ADCY3: variants seen among roughly 807,000 people sequenced by gnomAD.
ADCY3 encodes adenylate cyclase 3, also known as adenylate cyclase type 3.
ADCY3 carries 70 observed loss-of-function variants against 119.4 expected under a neutral mutation model. That is an observed-to-expected ratio of 0.59 (90% CI 0.48 to 0.72). The LOEUF (loss-of-function observed/expected upper bound fraction) is 0.72, where lower values mean the gene tolerates loss of function less well. ADCY3 is among the 30% of genes least tolerant of loss of function. ADCY3 has a pLI of 0.00. For missense variants in ADCY3, 1,238 were observed against 1,541.6 expected (o/e 0.80, Z 3.30); for synonymous variants, 672 against 621.4 (o/e 1.08, Z -1.21).
chr2:24,907,918 T>C (rs1315575817), intron 2 of ADCY3, among the ~76,000 whole-genome samples: 1 of 151,858 alleles, frequency 6.6e-6, no homozygotes, highest in African/African-American at 2.4e-5. Context: ...CACTTGAGCC[T>C]AGGAGGCAGG....
At chr2:24,831,453 A>ACCACAGCCTG (rs1425828835) in intron 12 of ADCY3, among the ~76,000 whole-genome samples, 3 of 152,200 alleles carry the variant, frequency 2.0e-5, no homozygotes, top group African/African-American at 7.2e-5. Context: ...GCCGTGGCCC[A>ACCACAGCCTG]CCACAGCCTG....
rs191188377 is a variant in ADCY3 at position 24,820,150 on chromosome 2, G to A, written c.3253-36C>T. The A allele has an allele frequency of 1.1e-4, 163 of 1,505,798 alleles. No homozygotes were observed. In the African/African-American group the frequency reaches 1.2e-3, roughly 12 times the overall value. The allele number at this position is 1,505,798 out of a possible 1,614,324, so 93.3% of individuals were successfully genotyped here. On this transcript the variant is annotated intron_variant, in intron 21 of 21. Transcript: ENST00000679454. ...AGGGGGAGCAAGAACGTGGCGTTAC[G>A]GGGGGAGCCTAGACTGAGGGCGGGT... is the stretch of plus-strand genomic sequence containing the variant.
intron 3 of ADCY3, among the ~76,000 whole-genome samples, chr2:24,862,362 C>T (rs1053513850): frequency 5.3e-5 from 8 of 152,172 alleles, no homozygotes; most frequent in South Asian, 2.1e-4. Context: ...CTGGCTAACA[C>T]GGTGAAACCC....
chr2:24,853,362 T>G (rs1572894928), intron 3 of ADCY3, among the ~76,000 whole-genome samples: 1 of 151,994 alleles, frequency 6.6e-6, no homozygotes, highest in Non-Finnish European at 1.5e-5. Context: ...GGGGCAGGGG[T>G]CACTTGGCAG....
intron 2 of ADCY3, among the ~76,000 whole-genome samples, chr2:24,913,232 C>T (rs1201015990): frequency 6.6e-6 from 1 of 152,244 alleles, no homozygotes; most frequent in Non-Finnish European, 1.5e-5. Context: ...CCGCACCTCA[C>T]ACCAGCTCCT....
rs376158397 is a variant in ADCY3, at chr2:24,918,544, G to T, written c.444C>A (p.Thr148=). 1 of 1,613,928 alleles carries T rather than the reference G, an allele frequency of 6.2e-7. No individual in the cohort carries two copies. The highest frequency in any genetic ancestry group is 1.3e-5 in the African/African-American group (1 of 74,942). The change falls in exon 2 of 22, where the codon ACC becomes ACA. Residue 148 remains threonine (T), a synonymous_variant. Transcript: ENST00000679454. This position sits in a 1 kb window ranked among gnomAD's most constrained non-coding sequence, Gnocchi z 5.4. ...VLPYVLWLLI[T]AQIFSYLGLN... is the part of the protein sequence containing the mutation. ...GGCCCAGGTAGGAGAAGATCTGGGC[G>T]GTTATGAGCAGCCACAGCACGTAGG...
rs943497138 is a variant in ADCY3 at position 24,898,187 on chromosome 2, G to C, written c.675+20126C>G. Among the ~76,000 whole-genome samples the C allele has an allele frequency of 6.6e-6, 1 of 151,996 alleles. No homozygotes were observed. The highest frequency in any genetic ancestry group is 1.5e-5 in the Non-Finnish European group (1 of 67,988). The stretch of plus-strand genomic sequence containing the variant: ...CCCCTCCCCTACTGACCTCAGGATC[G>C]AAATCCAACGTGCCCTTCACGGCCC... On this transcript the variant is annotated intron_variant, in intron 2 of 21. Coordinates refer to ENST00000679454, the MANE Select transcript of ADCY3 (RefSeq NM_004036.5). The surrounding 1 kb of genome is among the most constrained non-coding windows in gnomAD (Gnocchi z 4.3).
intron 2 of ADCY3, among the ~76,000 whole-genome samples, chr2:24,877,286 C>A (rs1675830540): frequency 6.6e-6 from 1 of 152,194 alleles, no homozygotes; most frequent in South Asian, 2.1e-4. Context: ...GACTCACCAC[C>A]CACCCCTCCC....
intron 3 of ADCY3, among the ~76,000 whole-genome samples, chr2:24,856,820 G>C (rs1395722749): frequency 6.6e-6 from 1 of 152,226 alleles, no homozygotes; most frequent in East Asian, 1.9e-4. Flanking sequence ...GCTTGGATGG[G>C]TGGGGCAATG....
chr2:24,819,440 C>T lies in ADCY3; in HGVS notation c.*492G>A, dbSNP rs1667193242. 6.5e-6 allele frequency: 1 copy of T among 153,162 alleles called. No individual in the cohort carries two copies. The highest frequency in any genetic ancestry group is 2.1e-4 in the South Asian group (1 of 4,832). The allele number at this position is 153,162 out of a possible 1,614,324, so 9.5% of individuals were successfully genotyped here. A position where few individuals can be genotyped will look rare whatever the true frequency, so the allele number is the denominator to read the frequency against. ...AAGGGGACAGGAGTTCCAGAAGAAC[C>T]TTTCAAGATGATCAGGAACACCAGG... On this transcript the variant is annotated 3_prime_UTR_variant, in exon 22 of 22. Transcript: ENST00000679454.
chr2:24,865,503 G>C lies in ADCY3; in HGVS notation c.825+7067C>G, dbSNP rs913292388. Among the ~76,000 whole-genome samples the C allele has an allele frequency of 1.2e-3, 161 of 139,268 alleles. 1 individual carries two copies. Among genetic ancestry groups the C allele is most frequent in the African/African-American group, 4.8e-3 (145 of 30,222 alleles). The allele number at this position is 139,268 out of a possible 152,430, so 91.4% of individuals were successfully genotyped here. A position where few individuals can be genotyped will look rare whatever the true frequency, so the allele number is the denominator to read the frequency against. Reference sequence around the variant, plus strand: ...TAGGCTATCATCTGTGTGTGTGTGTGTGTGTGTGTGTGTGTGTGTGTGTGT... The same window carrying C: ...TAGGCTATCATCTGTGTGTGTGTGTCTGTGTGTGTGTGTGTGTGTGTGTGT... On this transcript the variant is annotated intron_variant, in intron 3 of 21. Transcript: ENST00000679454.
intron 2 of ADCY3, among the ~76,000 whole-genome samples, chr2:24,896,221 TA>T (rs1176331480): frequency 6.6e-6 from 1 of 151,976 alleles, no homozygotes; most frequent in Non-Finnish European, 1.5e-5. Flanking sequence ...CCATCTCTAC[TA>T]AAAAATACAA....
rs1249803093 is a variant in ADCY3 at position 24,899,330 on chromosome 2, C to A, written c.675+18983G>T. ...ATGACTGTATTGATTTTGATGCCTT[C>A]TTCAATCCCAATAAATAAACCATTC... On this transcript the variant is annotated intron_variant, in intron 2 of 21. Coordinates refer to ENST00000679454, the MANE Select transcript of ADCY3 (RefSeq NM_004036.5). The surrounding 1 kb of genome is among the most constrained non-coding windows in gnomAD (Gnocchi z 4.5). Among the ~76,000 whole-genome samples, 5 of 152,206 alleles carry A rather than the reference C, an allele frequency of 3.3e-5. No individual in the cohort carries two copies. The highest frequency in any genetic ancestry group is 1.2e-4 in the African/African-American group (5 of 41,440).
At chr2:24,908,323 C>CA (rs199521778) in intron 2 of ADCY3, among the ~76,000 whole-genome samples, 3,342 of 146,572 alleles carry the variant, frequency 0.023, 55 homozygotes, top group Non-Finnish European at 0.033. Context: ...AACTCCGTCT[C>CA]AAAAAAAAAG....
chr2:24,903,486 C>A (rs547837128), intron 2 of ADCY3, among the ~76,000 whole-genome samples: 3 of 152,124 alleles, frequency 2.0e-5, no homozygotes, highest in East Asian at 3.8e-4. Context: ...GGAGCCTGGG[C>A]GCCTTCTTCA....
intron 2 of ADCY3, among the ~76,000 whole-genome samples, chr2:24,917,288 C>A (rs1297511150): frequency 1.3e-5 from 2 of 152,236 alleles, no homozygotes; most frequent in African/African-American, 4.8e-5. Flanking sequence ...TCTACCCCAG[C>A]CCCACTAACC....
chr2:24,875,288 G>GT (rs1472133171), intron 2 of ADCY3, among the ~76,000 whole-genome samples: 3 of 152,218 alleles, frequency 2.0e-5, no homozygotes, highest in African/African-American at 7.2e-5. Flanking sequence ...CATCCCTATG[G>GT]TCCCTCTCTC....
Position 24,884,787 on chromosome 2 carries a change from AAC to A in ADCY3, c.676-12070_676-12069del, listed in dbSNP as rs563321053. On this transcript the variant is annotated intron_variant, in intron 2 of 21. Transcript: ENST00000679454. Reference sequence around the variant, plus strand: ...CCACAGCGCCCAGCCCTCATTTTCTAACAGTCTTCTGATCCCTGGTTCACCCT... The same window carrying A: ...CCACAGCGCCCAGCCCTCATTTTCTAAGTCTTCTGATCCCTGGTTCACCCT... 9.7e-4 allele frequency among the ~76,000 whole-genome samples: 147 copies of A among 151,932 alleles called. 3 individuals are homozygous for A. The highest frequency in any genetic ancestry group is 3.4e-3 in the Middle Eastern group (1 of 292).
At chr2:24,891,742 T>C (rs1427650977) in intron 2 of ADCY3, among the ~76,000 whole-genome samples, 2 of 152,142 alleles carry the variant, frequency 1.3e-5, no homozygotes, top group Non-Finnish European at 2.9e-5. Flanking sequence ...CAGTGCATAG[T>C]AAAGGGCTTA....
Sources: allele counts gnomAD v4.1 joint callset (sites outside exome capture counted in the v4.1 genomes callset), GRCh38; gene constraint gnomAD v4.1.1; non-coding constraint Gnocchi (gnomAD v3.1); transcripts MANE v1.5; gene names NCBI Gene and HGNC (gene_info 2026-07-23, HGNC 2026-07-21).